C11orf24: variants seen among roughly 807,000 people sequenced by gnomAD.
C11orf24 encodes uncharacterized protein C11orf24.
C11orf24 carries 5 observed loss-of-function variants against 7.3 expected under a neutral mutation model. That is an observed-to-expected ratio of 0.69 (90% CI 0.36 to 1.45). The LOEUF is 1.45. Ranked by LOEUF, C11orf24 falls within the 40% of genes most tolerant of loss-of-function variation. The pLI is 0.03. For synonymous variants in C11orf24, 233 were observed against 235.7 expected (o/e 0.99, Z 0.11); for missense variants, 566 against 590.5 (o/e 0.96, Z 0.43).
chr11:68,270,832 C>T (rs1463156312), intron 1 of C11orf24, among the ~76,000 whole-genome samples: 1 of 152,150 alleles, frequency 6.6e-6, no homozygotes, highest in East Asian at 1.9e-4. Flanking sequence ...AATCCTGACA[C>T]GTCACCTGGC....
intron 1 of C11orf24, among the ~76,000 whole-genome samples, chr11:68,269,985 A>T (rs1460791929): frequency 6.6e-6 from 1 of 152,174 alleles, no homozygotes; most frequent in African/African-American, 2.4e-5. Flanking sequence ...AACAACATTT[A>T]AAATAACAGT....
chr11:68,261,526 A>G lies in C11orf24; in HGVS notation c.*119T>C. Reference sequence around the variant, plus strand: ...AATCTGACAGCAATTAAATGTGTTTAAGCATCTGGCATATCTCCTCAATTG... The same window carrying G: ...AATCTGACAGCAATTAAATGTGTTTGAGCATCTGGCATATCTCCTCAATTG... On this transcript the variant is annotated 3_prime_UTR_variant, in exon 4 of 4. Transcript: ENST00000304271. 1.3e-6 allele frequency: 1 copy of G among 781,856 alleles called. No homozygotes were observed. The highest frequency in any genetic ancestry group is 2.7e-5 in the Admixed American group (1 of 36,538). The allele number at this position is 781,856 out of a possible 1,614,324, so 48.4% of individuals were successfully genotyped here. A position where few individuals can be genotyped will look rare whatever the true frequency, so the allele number is the denominator to read the frequency against.
intron 1 of C11orf24, among the ~76,000 whole-genome samples, chr11:68,270,850 T>C (rs1284025956): frequency 6.6e-6 from 1 of 152,192 alleles, no homozygotes; most frequent in Non-Finnish European, 1.5e-5. Context: ...GGCTGAACTT[T>C]GGTAGCAGAA....
chr11:68,261,788 G>C lies in C11orf24; in HGVS notation c.1207C>G (p.Leu403Val), dbSNP rs754545943. 2.5e-6 allele frequency: 4 copies of C among 1,613,800 alleles called. No homozygotes were observed. Among genetic ancestry groups the C allele is most frequent in the Middle Eastern group, 3.3e-4 (2 of 6,062 alleles). Reference protein sequence around the residue: ...TQAVVDKTLLLVVLLLGVTLF... With the variant: ...TQAVVDKTLLVVVLLLGVTLF... Reference sequence around the variant, plus strand: ...GTCACCCCGAGTAACAGCACCACCAGAAGGAGAGTTTTGTCTACCACGGCC... The same window carrying C: ...GTCACCCCGAGTAACAGCACCACCACAAGGAGAGTTTTGTCTACCACGGCC... Residue 403 changes from leucine to valine, a missense_variant, in exon 4 of 4, where the codon CTG becomes GTG. Transcript: ENST00000304271.
chr11:68,262,962 A>G, intron 3 of C11orf24, 44 bp from the exon 4 acceptor site: 2 of 1,571,056 alleles, frequency 1.3e-6, no homozygotes, highest in East Asian at 2.2e-5. Flanking sequence ...ATCATGTTCA[A>G]TCCTGCACAG....
Position 68,270,400 on chromosome 11 carries a change from T to C in C11orf24, c.-298+1457A>G, listed in dbSNP as rs538976191. 2.0e-5 allele frequency among the ~76,000 whole-genome samples: 3 copies of C among 152,182 alleles called. No homozygotes were observed. The East Asian group carries it at 5.8e-4, about 29-fold the overall frequency. Reference sequence around the variant, plus strand: ...TCGAGATGCCTCCCAAGGCATCTTGTCTGAATTCTTGTGTTCCGAACCTTG... The same window carrying C: ...TCGAGATGCCTCCCAAGGCATCTTGCCTGAATTCTTGTGTTCCGAACCTTG... On this transcript the variant is annotated intron_variant, in intron 1 of 3. Transcript: ENST00000304271.
At position 68,262,659 on chromosome 11, in the gene C11orf24, G is replaced by A. The variant is rs1483721808; in HGVS notation, c.336C>T (p.Ser112=). 1.2e-6 allele frequency: 2 copies of A among 1,614,098 alleles called. No individual in the cohort carries two copies. The highest frequency in any genetic ancestry group is 1.1e-5 in the South Asian group (1 of 91,080). Residue 112 remains serine, a synonymous_variant, in exon 4 of 4, where the codon TCC becomes TCT. Transcript: ENST00000304271. ...VTSIAPTAVA[S]STTAASITTA... The stretch of plus-strand genomic sequence containing the variant: ...TCGTAATGGAGGCCGCAGTCGTACT[G>A]GAGGCCACAGCCGTGGGAGCAATGG...
intron 1 of C11orf24, among the ~76,000 whole-genome samples, chr11:68,270,442 G>A (rs191453283): frequency 5.5e-4 from 84 of 152,086 alleles, no homozygotes; most frequent in African/African-American, 1.8e-3. Context: ...TATATGTGGC[G>A]CACTTTATGC....
At position 68,264,502 on chromosome 11, in the gene C11orf24, C is replaced by T. The variant is rs201133465; in HGVS notation, c.-99-636G>A. Among the ~76,000 whole-genome samples the T allele has an allele frequency of 1.1e-4, 10 of 92,748 alleles. No individual in the cohort carries two copies. The East Asian group carries it at 3.1e-3, about 29-fold the overall frequency. 60.8% of individuals were successfully genotyped at this position (92,748 alleles called of 152,430 possible). A position where few individuals can be genotyped will look rare whatever the true frequency, so the allele number is the denominator to read the frequency against. ...TCCATCCACCCACCCATCCATCCAC[C>T]CACTCATCCATCCACCCACTCATCC... On this transcript the variant is annotated intron_variant, in intron 2 of 3. Coordinates refer to ENST00000304271, the MANE Select transcript of C11orf24 (RefSeq NM_022338.4).
intron 3 of C11orf24, chr11:68,263,247 T>C (rs1485762794): frequency 4.7e-6 from 2 of 426,360 alleles, no homozygotes; most frequent in Non-Finnish European, 8.4e-6. Flanking sequence ...TGATTCACCA[T>C]TAAAAGCCCA....
chr11:68,268,376 G>C (rs1370690697), intron 1 of C11orf24, 125 bp from the exon 2 acceptor site: 1 of 152,226 alleles, frequency 6.6e-6, no homozygotes, highest in African/African-American at 2.4e-5. Context: ...CGACAACATG[G>C]ATCAAAGCTT....
intron 2 of C11orf24, among the ~76,000 whole-genome samples, chr11:68,264,979 G>A (rs2098564295): frequency 1.3e-5 from 2 of 151,912 alleles, no homozygotes; most frequent in Admixed American, 1.3e-4. Flanking sequence ...AAGGGTGGCT[G>A]GGCCCCAGAG....
intron 2 of C11orf24, among the ~76,000 whole-genome samples, chr11:68,264,397 T>A (rs1319697386): frequency 6.7e-6 from 1 of 149,958 alleles, no homozygotes; most frequent in South Asian, 2.1e-4. Flanking sequence ...ATTCTATCCA[T>A]CTACTCATCT....
rs767865845 is a variant in C11orf24 at position 68,261,537 on chromosome 11, A to G, written c.*108T>C. On this transcript the variant is annotated 3_prime_UTR_variant, in exon 4 of 4. Coordinates refer to ENST00000304271, the MANE Select transcript of C11orf24 (RefSeq NM_022338.4). ...AATTAAATGTGTTTAAGCATCTGGC[A>G]TATCTCCTCAATTGCACCAAAAGAA... 1.7e-4 allele frequency: 154 copies of G among 905,810 alleles called. No individual in the cohort carries two copies. Among genetic ancestry groups the G allele is most frequent in the Middle Eastern group, 6.8e-4 (2 of 2,958 alleles). The allele number at this position is 905,810 out of a possible 1,614,324, so 56.1% of individuals were successfully genotyped here.
rs2098562617 is a variant in C11orf24, at chr11:68,262,792, C to A, written c.203G>T (p.Gly68Val). The A allele has an allele frequency of 6.2e-7, 1 of 1,614,006 alleles. No individual in the cohort carries two copies. Among genetic ancestry groups the A allele is most frequent in the Non-Finnish European group, 8.5e-7 (1 of 1,180,040 alleles). ...AAASPVTLTK[G>V]TSAAHLNSME... The stretch of plus-strand genomic sequence containing the variant: ...AGAGTTGAGGTGGGCTGCCGAAGTC[C>A]CTTTGGTCAATGTGACAGGAGAAGC... Residue 68 changes from glycine (G) to valine (V), a missense_variant, in exon 4 of 4, where the codon GGG becomes GTG. Transcript: ENST00000304271.
intron 2 of C11orf24, 51 bp downstream of exon 2, chr11:68,268,000 TCAC>T (rs1565292460): frequency 6.6e-6 from 1 of 152,470 alleles, no homozygotes; most frequent in Non-Finnish European, 1.5e-5. Context: ...CCCTCTGGGC[TCAC>T]CGTCCCATCA....
intron 2 of C11orf24, among the ~76,000 whole-genome samples, chr11:68,265,877 CAGCCCA>C (rs2098564832): frequency 6.6e-6 from 1 of 152,246 alleles, no homozygotes; most frequent in South Asian, 2.1e-4. Flanking sequence ...CAGCACTTAG[CAGCCCA>C]CAGCAAAGTG....
At chr11:68,266,127 G>C (rs550699728) in intron 2 of C11orf24, among the ~76,000 whole-genome samples, 2 of 152,212 alleles carry the variant, frequency 1.3e-5, no homozygotes, top group Non-Finnish European at 2.9e-5. Context: ...CACTGCCTGC[G>C]TTCCAACTCC....
At chr11:68,270,080 G>T (rs956965479) in intron 1 of C11orf24, among the ~76,000 whole-genome samples, 2 of 152,180 alleles carry the variant, frequency 1.3e-5, no homozygotes, top group Non-Finnish European at 2.9e-5. Flanking sequence ...GGTACAGGGA[G>T]ACTGGGTAGA....
Sources: allele counts gnomAD v4.1 joint callset (sites outside exome capture counted in the v4.1 genomes callset), GRCh38; gene constraint gnomAD v4.1.1; transcripts MANE v1.5; gene names NCBI Gene and HGNC (gene_info 2026-07-23, HGNC 2026-07-21).